Variants in ELANE observed in about 807,000 individuals in gnomAD.
The protein encoded by ELANE is elastase, neutrophil expressed, also known as neutrophil elastase.
A neutral mutation model predicts 20.6 loss-of-function variants in ELANE; 12 were observed. The ratio of observed to expected loss-of-function variants is 0.58; its 90% CI spans 0.37 to 0.94. The LOEUF (loss-of-function observed/expected upper bound fraction) is 0.94. Among genes scored for constraint, ELANE ranks in the 40% least tolerant of loss-of-function variants. The pLI is 0.01. For missense variants in ELANE, 388 were observed against 395.2 expected (o/e 0.98, Z 0.15); for synonymous variants, 203 against 177.4 (o/e 1.14, Z -1.15).
Position 856,181 on chromosome 19 carries a change from C to G in ELANE, c.*17C>G, listed in dbSNP as rs765186803. The G allele has an allele frequency of 1.2e-6, 2 of 1,612,450 alleles. No homozygotes were observed. The highest frequency in any genetic ancestry group is 2.2e-5 in the South Asian group (2 of 91,078). On this transcript the variant is annotated 3_prime_UTR_variant, in exon 5 of 5. Coordinates refer to ENST00000263621, the MANE Select transcript of ELANE (RefSeq NM_001972.4). The stretch of plus-strand genomic sequence containing the variant: ...ACCCACTGAGAAGGGCTGCCCGGGT[C>G]ACCTCAGCTGCCCACACCCACACTC...
intron 2 of ELANE, 67 bp downstream of exon 2, chr19:853,099 G>A (rs1258902692): frequency 1.7e-5 from 26 of 1,511,148 alleles, no homozygotes; most frequent in Non-Finnish European, 1.9e-5. Context: ...TGGGTGGGGG[G>A]AGGCCGGGGC....
At position 852,863 on chromosome 19, in the gene ELANE, G is replaced by T; in HGVS notation, c.68-13G>T. 1 of 1,593,252 alleles carries T rather than the reference G, an allele frequency of 6.3e-7. No individual in the cohort carries two copies. Among genetic ancestry groups the T allele is most frequent in the Non-Finnish European group, 8.5e-7 (1 of 1,176,036 alleles). On this transcript the variant is annotated splice_polypyrimidine_tract_variant and intron_variant, in intron 1 of 4. Coordinates refer to ENST00000263621, the MANE Select transcript of ELANE (RefSeq NM_001972.4). ...TGGCAGGCACTCAGCACCCGCACCCGGTGTGTCCCCAGGCACCGCGCTGGC... is the reference window on the plus strand; with the variant it reads ...TGGCAGGCACTCAGCACCCGCACCCTGTGTGTCCCCAGGCACCGCGCTGGC...
At position 853,360 on chromosome 19, in the gene ELANE, G is replaced by T; in HGVS notation, c.323G>T (p.Gly108Val). ...GCCGTGCAGCGCATCTTCGAAAACG[G>T]CTACGACCCCGTAAACTTGCTCAAC... ...VFAVQRIFENGYDPVNLLNDI... is the reference protein window; with the variant it reads ...VFAVQRIFENVYDPVNLLNDI... The change falls in exon 3 of 5, where the codon GGC becomes GTC. Residue 108 changes from glycine (G) to valine (V), a missense_variant. Transcript: ENST00000263621. The T allele has an allele frequency of 6.2e-7, 1 of 1,611,618 alleles. No homozygotes were observed. The highest frequency in any genetic ancestry group is 8.5e-7 in the Non-Finnish European group (1 of 1,179,226).
intron 2 of ELANE, 90 bp downstream of exon 2, chr19:853,122 C>CG (rs34535016): frequency 1.8e-3 from 1,814 of 994,538 alleles, no homozygotes; most frequent in African/African-American, 5.2e-3. Flanking sequence ...GGGCTGCTGG[C>CG]GGGGGGGGGT....
chr19:855,004 C>A lies in ELANE; in HGVS notation c.367-560C>A, dbSNP rs1156549806. Among the ~76,000 whole-genome samples, 1 of 151,890 alleles carries A rather than the reference C, an allele frequency of 6.6e-6. No homozygotes were observed. The highest frequency in any genetic ancestry group is 1.5e-5 in the Non-Finnish European group (1 of 67,978). On this transcript the variant is annotated intron_variant, in intron 3 of 4. Transcript: ENST00000263621. The surrounding 1 kb of genome is among the most constrained non-coding windows in gnomAD (Gnocchi z 6.2). ...AGGTAGCTGGGACTACAGGCGCCCG[C>A]CACCACGCCTGGCTAATTTTTGGTA...
intron 1 of ELANE, 56 bp from the exon 2 acceptor site, chr19:852,820 G>C (rs1002179256): frequency 6.4e-6 from 10 of 1,567,174 alleles, no homozygotes; most frequent in Admixed American, 1.8e-5. Context: ...CCCCGTGGCC[G>C]GGAGGGGACA....
Position 853,381 on chromosome 19 carries a change from T to C in ELANE, c.344T>C (p.Leu115Pro). 6.2e-7 allele frequency: 1 copy of C among 1,610,308 alleles called. No homozygotes were observed. Among genetic ancestry groups the C allele is most frequent in the East Asian group, 2.2e-5 (1 of 44,718 alleles). ...AACGGCTACGACCCCGTAAACTTGCTCAACGACATCGTGATTCTCCAGGTG... is the reference window on the plus strand; with the variant it reads ...AACGGCTACGACCCCGTAAACTTGCCCAACGACATCGTGATTCTCCAGGTG... ...FENGYDPVNLLNDIVILQLNG... is the reference protein window; with the variant it reads ...FENGYDPVNLPNDIVILQLNG... Residue 115 changes from leucine (L) to proline (P), a missense_variant, in exon 3 of 5, where the codon CTC (leucine) becomes CCC (proline). This residue lies in a region of ELANE where 321 missense variants were observed against 309.8 expected (regional missense o/e 1.04). Coordinates refer to ENST00000263621, the MANE Select transcript of ELANE (RefSeq NM_001972.4).
In ELANE at chr19:852,494, C is replaced by T. The variant is rs2035609331; in HGVS notation, c.67+99C>T. On this transcript the variant is annotated intron_variant, in intron 1 of 4. Transcript: ENST00000263621. ...CACCAGTGTGGGTCCCTCATCCTCA[C>T]AGGGGAGGTGCCAGCTGGGACAAGG... 4 of 1,448,580 alleles carry T rather than the reference C, an allele frequency of 2.8e-6. No individual in the cohort carries two copies. The Admixed American group carries it at 5.9e-5, about 21-fold the overall frequency. 89.7% of individuals were successfully genotyped at this position (1,448,580 alleles called of 1,614,324 possible). A position where few individuals can be genotyped will look rare whatever the true frequency, so the allele number is the denominator to read the frequency against.
chr19:852,343 C>T lies in ELANE; in HGVS notation c.15C>T (p.Arg5=). ...CCAGCCCCACCATGACCCTCGGCCG[C>T]CGACTCGCGTGTCTTTTCCTCGCCT... The part of the protein sequence containing the change: MTLG[R]RLACLFLACV... Residue 5 remains arginine, a synonymous_variant, in exon 1 of 5, where the codon CGC becomes CGT. Transcript: ENST00000263621. 1.2e-6 allele frequency: 2 copies of T among 1,610,386 alleles called. No individual in the cohort carries two copies. Among genetic ancestry groups the T allele is most frequent in the Non-Finnish European group, 1.7e-6 (2 of 1,179,876 alleles).
At chr19:854,013 A>G (rs1418953301) in intron 3 of ELANE, among the ~76,000 whole-genome samples, 2 of 152,056 alleles carry the variant, frequency 1.3e-5, no homozygotes, top group Admixed American at 1.3e-4. Flanking sequence ...ATCTGCTGTC[A>G]ATCAACAAAC....
At chr19:853,065 G>T (rs772854264) in intron 2 of ELANE, 33 bp downstream of exon 2, 1 of 1,514,106 alleles carries the variant, frequency 6.6e-7, no homozygotes, top group South Asian at 1.2e-5. Flanking sequence ...GCCCGGCTCG[G>T]ACCCCGCGTC....
In ELANE at chr19:856,196, C is replaced by T. The variant is rs777601212; in HGVS notation, c.*32C>T. On this transcript the variant is annotated 3_prime_UTR_variant, in exon 5 of 5. Coordinates refer to ENST00000263621, the MANE Select transcript of ELANE (RefSeq NM_001972.4). ...CTGCCCGGGTCACCTCAGCTGCCCACACCCACACTCTCCAGCATCTGGCAC... is the reference window on the plus strand; with the variant it reads ...CTGCCCGGGTCACCTCAGCTGCCCATACCCACACTCTCCAGCATCTGGCAC... 6.2e-7 allele frequency: 1 copy of T among 1,604,578 alleles called. No individual in the cohort carries two copies. The highest frequency in any genetic ancestry group is 2.2e-5 in the East Asian group (1 of 44,828).
chr19:853,132 T>C, intron 2 of ELANE, 100 bp downstream of exon 2: 1 of 1,390,500 alleles, frequency 7.2e-7, no homozygotes, highest in Non-Finnish European at 9.4e-7. Context: ...CGGGGGGGGG[T>C]CCGTCCAGGG....
rs2035614462 is a variant in ELANE, at chr19:852,804, C to T, written c.68-72C>T. The T allele has an allele frequency of 9.1e-6, 14 of 1,542,196 alleles. No homozygotes were observed. The South Asian group carries it at 1.7e-4, about 18-fold the overall frequency. On this transcript the variant is annotated intron_variant, in intron 1 of 4. Transcript: ENST00000263621. ...TCCCGTGGGTTCCTGGTGGGGGATCCAGAGGCCCCGTGGCCGGGAGGGGAC... is the reference window on the plus strand; with the variant it reads ...TCCCGTGGGTTCCTGGTGGGGGATCTAGAGGCCCCGTGGCCGGGAGGGGAC...
In ELANE at chr19:855,695, C is replaced by T. The variant is rs2145148773; in HGVS notation, c.498C>T (p.Ala166=). Residue 166 remains alanine (A), a synonymous_variant, in exon 4 of 5, where the codon GCC becomes GCT. Transcript: ENST00000263621. The surrounding 1 kb of genome is among the most constrained non-coding windows in gnomAD (Gnocchi z 6.2). ...WGLLGRNRGI[A]SVLQELNVTV... ...TTCTGGGCAGGAACCGTGGGATCGC[C>T]AGCGTCCTGCAGGAGCTCAACGTGA... 1.9e-6 allele frequency: 3 copies of T among 1,609,720 alleles called. No individual in the cohort carries two copies. The highest frequency in any genetic ancestry group is 4.5e-5 in the East Asian group (2 of 44,874).
chr19:854,055 C>T (rs924413741), intron 3 of ELANE, among the ~76,000 whole-genome samples: 1 of 152,240 alleles, frequency 6.6e-6, no homozygotes, highest in Non-Finnish European at 1.5e-5. Flanking sequence ...CTCCATTCAC[C>T]AGTCCTGTGG....
rs1257655494 is a variant in ELANE, at chr19:855,128, T to C, written c.367-436T>C. 6.6e-6 allele frequency among the ~76,000 whole-genome samples: 1 copy of C among 152,036 alleles called. No individual in the cohort carries two copies. The highest frequency in any genetic ancestry group is 6.6e-5 in the Admixed American group (1 of 15,252). On this transcript the variant is annotated intron_variant, in intron 3 of 4. Coordinates refer to ENST00000263621, the MANE Select transcript of ELANE (RefSeq NM_001972.4). This position sits in a 1 kb window ranked among gnomAD's most constrained non-coding sequence, Gnocchi z 6.2. Reference sequence around the variant, plus strand: ...TCAGCCTCCCAAAATGCTGGGATTATAGGCGTGAGCCACCGCACCTGGCAA... The same window carrying C: ...TCAGCCTCCCAAAATGCTGGGATTACAGGCGTGAGCCACCGCACCTGGCAA...
rs779360541 is a variant in ELANE at position 852,391 on chromosome 19, G to T, written c.63G>T (p.Leu21=). The part of the protein sequence containing the change: ...FLACVLPALL[L]GGTALASEIV... ...CCTGTGTCCTGCCGGCCTTGCTGCT[G>T]GGGGGTGAGTTTTTGAGTCCAACCT... The change falls in exon 1 of 5, where the codon CTG becomes CTT. Residue 21 remains leucine, a synonymous_variant. Transcript: ENST00000263621. 56 of 1,610,806 alleles carry T rather than the reference G, an allele frequency of 3.5e-5. No homozygotes were observed. The Middle Eastern group carries it at 1.2e-3, about 33-fold the overall frequency.
At chr19:854,691 T>A (rs2035647818) in intron 3 of ELANE, among the ~76,000 whole-genome samples, 2 of 146,340 alleles carry the variant, frequency 1.4e-5, no homozygotes. Flanking sequence ...ATATATATTT[T>A]ATTTAAATAA....
Sources: gnomAD v4.1 joint callset for allele counts (sites outside exome capture counted in the v4.1 genomes callset) on GRCh38, gnomAD v4.1.1 for gene constraint, gnomAD v4.1.1 regional missense constraint, Gnocchi (gnomAD v3.1) non-coding constraint, MANE v1.5 for transcripts, NCBI Gene and HGNC (gene_info 2026-07-23, HGNC 2026-07-21) for gene names.